The following SORCS1 variants were observed in gnomAD, a reference collection of about 807,000 sequenced individuals.
SORCS1 encodes VPS10 domain-containing receptor SorCS1.
Under a neutral mutation model 146.1 loss-of-function variants are expected in SORCS1, and 60 were observed. The observed-to-expected ratio is 0.41, with a 90% CI of 0.33 to 0.51. The LOEUF (loss-of-function observed/expected upper bound fraction) is 0.51. SORCS1 is among the 20% of genes least tolerant of loss of function. The probability of loss-of-function intolerance (pLI) is 0.21; values close to 1 mark genes in which losing one functional copy is unlikely to be tolerated. For synonymous variants in SORCS1, 637 were observed against 584.0 expected, an observed-to-expected ratio of 1.09 and a Z score of -1.31; for missense variants, 1,352 against 1,487.6, an observed-to-expected ratio of 0.91 and a Z score of 1.50.
At chr10:106,717,306 A>C (rs920224707) in intron 6 of SORCS1, among the ~76,000 whole-genome samples, 1 of 152,222 alleles carries the variant, frequency 6.6e-6, no homozygotes, top group Non-Finnish European at 1.5e-5. Context: ...ACACGTGTCA[A>C]CACGCTGCTG....
chr10:107,058,064 C>T (rs546772717), intron 1 of SORCS1, among the ~76,000 whole-genome samples: 11 of 151,950 alleles, frequency 7.2e-5, no homozygotes, highest in East Asian at 1.9e-4. Flanking sequence ...TTTATTGAGA[C>T]GGAGTCTTGC....
intron 6 of SORCS1, among the ~76,000 whole-genome samples, chr10:106,714,824 C>T (rs564653623): frequency 6.6e-6 from 1 of 152,270 alleles, no homozygotes; most frequent in South Asian, 2.1e-4. Context: ...TGTCTCTAAT[C>T]TCTCTGCTTG....
chr10:106,912,150 G>T (rs928256302), intron 2 of SORCS1, among the ~76,000 whole-genome samples: 1 of 151,484 alleles, frequency 6.6e-6, no homozygotes, highest in Non-Finnish European at 1.5e-5. Context: ...ACAAAAAAAG[G>T]CTGCTCAGAA....
chr10:106,652,295 T>C, intron 18 of SORCS1, 87 bp downstream of exon 18: 2 of 1,376,004 alleles, frequency 1.5e-6, no homozygotes, highest in Non-Finnish European at 9.6e-7. Context: ...ATGGAGAAAG[T>C]TGAAAAAGAT....
At chr10:106,709,800 G>A (rs1343249338) in intron 6 of SORCS1, among the ~76,000 whole-genome samples, 2 of 152,012 alleles carry the variant, frequency 1.3e-5, no homozygotes, top group Non-Finnish European at 2.9e-5. Context: ...ATACGTTATT[G>A]TCATTGTTAT....
chr10:107,004,146 A>T (rs1957339232), intron 1 of SORCS1, among the ~76,000 whole-genome samples: 1 of 139,972 alleles, frequency 7.1e-6, no homozygotes, highest in Non-Finnish European at 1.5e-5. Context: ...ACTGCACTCC[A>T]GCCTGGGCGA....
At chr10:106,625,703 C>T (rs1848062871) in intron 19 of SORCS1, among the ~76,000 whole-genome samples, 1 of 152,126 alleles carries the variant, frequency 6.6e-6, no homozygotes, top group South Asian at 2.1e-4. Flanking sequence ...CACATGGCTC[C>T]TATATAAGGG....
rs187203898 is a variant in SORCS1 at position 106,595,296 on chromosome 10, C to T, written c.3265+2055G>A. Among the ~76,000 whole-genome samples, 42 of 152,236 alleles carry T rather than the reference C, an allele frequency of 2.8e-4. No homozygotes were observed. The East Asian group carries it at 6.2e-3, about 22-fold the overall frequency. On this transcript the variant is annotated intron_variant, in intron 24 of 25. Transcript: ENST00000263054. ...GCTTGGCCCAGCGTAGGCAGGCACTCGGTAAATATCTGTTCAATGGATGTG... is the reference window on the plus strand; with the variant it reads ...GCTTGGCCCAGCGTAGGCAGGCACTTGGTAAATATCTGTTCAATGGATGTG...
intron 1 of SORCS1, among the ~76,000 whole-genome samples, chr10:106,980,512 A>G (rs143722723): frequency 9.3e-4 from 142 of 152,342 alleles, no homozygotes; most frequent in East Asian, 7.5e-3. Context: ...AAAAGTGCTA[A>G]GTCGACCAAC....
chr10:106,721,682 C>T (rs1395192352), intron 6 of SORCS1, among the ~76,000 whole-genome samples: 1 of 152,158 alleles, frequency 6.6e-6, no homozygotes, highest in African/African-American at 2.4e-5. Flanking sequence ...GGCAATCTGA[C>T]AATGTTTACA....
At chr10:106,691,495 A>G (rs1853292992) in intron 9 of SORCS1, among the ~76,000 whole-genome samples, 1 of 152,260 alleles carries the variant, frequency 6.6e-6, no homozygotes, top group Non-Finnish European at 1.5e-5. Flanking sequence ...ATATCATATA[A>G]GTCAAGATAT....
chr10:106,737,424 TTAAA>T (rs779810319), intron 5 of SORCS1, among the ~76,000 whole-genome samples: 18 of 122,256 alleles, frequency 1.5e-4, no homozygotes, highest in Admixed American at 5.0e-4. Context: ...TTGTTGTTTC[TTAAA>T]TAAATATTTT....
In SORCS1 at chr10:106,620,698, G is replaced by T. The variant is rs1402833081; in HGVS notation, c.2663-137C>A. 4.7e-6 allele frequency: 5 copies of T among 1,057,142 alleles called. No homozygotes were observed. In the African/African-American group the frequency reaches 6.5e-5, roughly 14 times the overall value. The allele number at this position is 1,057,142 out of a possible 1,614,324, so 65.5% of individuals were successfully genotyped here. A position where few individuals can be genotyped will look rare whatever the true frequency, so the allele number is the denominator to read the frequency against. On this transcript the variant is annotated intron_variant, in intron 19 of 25. Transcript: ENST00000263054. The stretch of plus-strand genomic sequence containing the variant: ...CCATATTCCCCAAAAGAAGTGTTCA[G>T]ATGCTTTCCCCACTTTGGAGAAAGA...
chr10:107,172,660 G>A, the SORCS1 span, among the ~76,000 whole-genome samples: 1 of 152,192 alleles, frequency 6.6e-6, no homozygotes, highest in South Asian at 2.1e-4. Context: ...TTTCTTGAAT[G>A]AGTGAATAAC....
chr10:106,660,959 T>C (rs1354860446), intron 17 of SORCS1, among the ~76,000 whole-genome samples: 1 of 152,246 alleles, frequency 6.6e-6, no homozygotes, highest in East Asian at 1.9e-4. Context: ...AAGATTATCT[T>C]GGTTTCTTAG....
chr10:106,691,447 C>T (rs1853287413), intron 9 of SORCS1, among the ~76,000 whole-genome samples: 1 of 152,200 alleles, frequency 6.6e-6, no homozygotes, highest in Non-Finnish European at 1.5e-5. Context: ...TGCTACCAGA[C>T]ATCTCAAAAG....
At chr10:106,812,210 C>T (rs1442579266) in intron 3 of SORCS1, among the ~76,000 whole-genome samples, 1 of 152,214 alleles carries the variant, frequency 6.6e-6, no homozygotes, top group East Asian at 1.9e-4. Flanking sequence ...CTGTGTTAGC[C>T]AGGATGGTCT....
intron 3 of SORCS1, among the ~76,000 whole-genome samples, chr10:106,788,316 A>G (rs1338191901): frequency 1.3e-5 from 2 of 152,130 alleles, no homozygotes; most frequent in Non-Finnish European, 2.9e-5. Context: ...ATGTCTTTTC[A>G]TATTTAATAA....
At chr10:106,865,712 A>C (rs1950201013) in intron 2 of SORCS1, among the ~76,000 whole-genome samples, 1 of 151,482 alleles carries the variant, frequency 6.6e-6, no homozygotes, top group Non-Finnish European at 1.5e-5. Flanking sequence ...CGAGAGAGCA[A>C]GACTCCATCT....
Sources: gnomAD v4.1 joint callset for allele counts (sites outside exome capture counted in the v4.1 genomes callset) on GRCh38, gnomAD v4.1.1 for gene constraint, MANE v1.5 for transcripts, NCBI Gene and HGNC (gene_info 2026-07-23, HGNC 2026-07-21) for gene names.